Variants in NRXN3 observed in about 807,000 individuals in gnomAD.
The protein encoded by NRXN3 is neurexin III.
A neutral mutation model predicts 137.6 loss-of-function variants in NRXN3; 32 were observed. The ratio of observed to expected loss-of-function variants is 0.23; its 90% confidence interval spans 0.18 to 0.31. The LOEUF is 0.31. Ranked by LOEUF, NRXN3 falls within the 10% of genes least tolerant of loss-of-function variation. The pLI is 1.00. For synonymous variants in NRXN3, 798 were observed against 784.5 expected, an observed-to-expected ratio of 1.02 and a Z score of -0.29; for missense variants, 1,574 against 2,062.5, an observed-to-expected ratio of 0.76 and a Z score of 4.59.
Position 78,943,619 on chromosome 14 carries a change from A to ATATATATATATAT in NRXN3, c.2276-13623_2276-13622insTATATATATATAT, listed in dbSNP as rs1259224205. 1.1e-3 allele frequency among the ~76,000 whole-genome samples: 45 copies of ATATATATATATAT among 42,796 alleles called. 1 individual carries two copies. Among genetic ancestry groups the ATATATATATATAT allele is most frequent in the African/African-American group, 4.0e-3 (44 of 10,882 alleles). 28.1% of individuals were successfully genotyped at this position (42,796 alleles called of 152,430 possible). A position where few individuals can be genotyped will look rare whatever the true frequency, so the allele number is the denominator to read the frequency against. On this transcript the variant is annotated intron_variant, in intron 10 of 20. Transcript: ENST00000335750. ...GAAGCAAGATCACTGTTAAAAAAAA[A>ATATATATATATAT]AAATATATATATATATATATATATA... is the stretch of plus-strand genomic sequence containing the variant.
At chr14:78,695,151 C>A (rs1280402903) in intron 6 of NRXN3, among the ~76,000 whole-genome samples, 1 of 151,906 alleles carries the variant, frequency 6.6e-6, no homozygotes, top group Admixed American at 6.6e-5. Flanking sequence ...ATATTCACAT[C>A]ATCTCTCTGT....
Position 79,697,819 on chromosome 14 carries a change from T to C in NRXN3, c.3896T>C (p.Ile1299Thr). The change falls in exon 19 of 21, where the codon ATT (isoleucine) becomes ACT (threonine). Residue 1299 changes from isoleucine to threonine, a missense_variant. This residue lies in a region of NRXN3 where 320 missense variants were observed against 387.1 expected (regional missense o/e 0.83). Transcript: ENST00000335750. ...SVRLVGEVPS[I>T]LGTTQTTSMP... ...CGGCTGGTTGGAGAAGTCCCATCAA[T>C]TTTGGGAACAACACAGACGACCTCC... is the stretch of plus-strand genomic sequence containing the variant. 6.2e-7 allele frequency: 1 copy of C among 1,613,184 alleles called. No individual in the cohort carries two copies. Among genetic ancestry groups the C allele is most frequent in the Non-Finnish European group, 8.5e-7 (1 of 1,179,454 alleles).
chr14:78,331,585 A>G (rs1033489743), intron 4 of NRXN3, among the ~76,000 whole-genome samples: 1 of 152,240 alleles, frequency 6.6e-6, no homozygotes, highest in Non-Finnish European at 1.5e-5. Context: ...CCCAGAAAGG[A>G]CCAATTATAG....
At chr14:78,752,571 G>T (rs182836509) in intron 8 of NRXN3, among the ~76,000 whole-genome samples, 63 of 152,308 alleles carry the variant, frequency 4.1e-4, no homozygotes, top group African/African-American at 1.4e-3. Context: ...TCTCTGTTCA[G>T]GGCTCTATGG....
rs1596313396 is a variant in NRXN3, at chr14:79,131,474, C to G, written c.3262+143333C>G. On this transcript the variant is annotated intron_variant, in intron 15 of 20. Transcript: ENST00000335750. ...AGTCTGCCCCTGCTGGGGGGTGCCT[C>G]CCAGTTAGGCTGCTTGGGGGTCAGG... 2.6e-5 allele frequency among the ~76,000 whole-genome samples: 4 copies of G among 152,242 alleles called. No individual in the cohort carries two copies. The East Asian group carries it at 7.7e-4, about 29-fold the overall frequency.
At chr14:79,770,870 A>T (rs1437796512) in intron 19 of NRXN3, among the ~76,000 whole-genome samples, 1 of 152,150 alleles carries the variant, frequency 6.6e-6, no homozygotes, top group African/African-American at 2.4e-5. Flanking sequence ...AAATTGATAG[A>T]CCACTAGCAA....
chr14:79,406,462 T>C (rs1223687338), intron 15 of NRXN3, among the ~76,000 whole-genome samples: 5 of 151,764 alleles, frequency 3.3e-5, no homozygotes, highest in Non-Finnish European at 5.9e-5. Flanking sequence ...CCACAGTGCC[T>C]GGCTAATTTT....
intron 15 of NRXN3, among the ~76,000 whole-genome samples, chr14:79,172,701 G>C (rs1231550393): frequency 6.6e-6 from 1 of 152,054 alleles, no homozygotes; most frequent in Non-Finnish European, 1.5e-5. Context: ...TCTCCCTCTG[G>C]TGTCTTTTTC....
intron 4 of NRXN3, among the ~76,000 whole-genome samples, chr14:78,499,539 C>T (rs1379148839): frequency 6.6e-6 from 1 of 152,184 alleles, no homozygotes; most frequent in African/African-American, 2.4e-5. Flanking sequence ...TAACACATTT[C>T]CACAAGCTTG....
At chr14:79,841,306 T>C (rs2205219) in intron 20 of NRXN3, among the ~76,000 whole-genome samples, 116,396 of 151,952 alleles carry the variant, frequency 0.77, 44,880 homozygotes, top group East Asian at 0.91. Flanking sequence ...CAAGAAATGG[T>C]GAGTTTTATT....
intron 16 of NRXN3, among the ~76,000 whole-genome samples, chr14:79,521,720 T>A (rs989975557): frequency 6.6e-6 from 1 of 152,172 alleles, no homozygotes; most frequent in Admixed American, 6.5e-5. Context: ...ATTGTCAGGG[T>A]TTATTCCATT....
intron 15 of NRXN3, among the ~76,000 whole-genome samples, chr14:79,175,380 T>C (rs1249668286): frequency 2.6e-5 from 4 of 152,278 alleles, no homozygotes; most frequent in Middle Eastern, 6.8e-3. Context: ...GATTGAGAAT[T>C]TTTTTGGAGC....
chr14:79,296,124 T>C (rs911082958), intron 15 of NRXN3, among the ~76,000 whole-genome samples: 1 of 152,180 alleles, frequency 6.6e-6, no homozygotes, highest in East Asian at 1.9e-4. Flanking sequence ...GCTCTGCCTT[T>C]CTTAAGGGTA....
intron 15 of NRXN3, among the ~76,000 whole-genome samples, chr14:79,063,679 C>A (rs982169767): frequency 1.4e-4 from 21 of 152,174 alleles, no homozygotes; most frequent in Admixed American, 1.0e-3. Flanking sequence ...GTGCCATGAA[C>A]AAAGTTATGC....
chr14:78,598,742 G>T (rs117299130), intron 4 of NRXN3, among the ~76,000 whole-genome samples: 1 of 152,202 alleles, frequency 6.6e-6, no homozygotes, highest in Non-Finnish European at 1.5e-5. Context: ...CCAATATCTC[G>T]GTAATTGGCT....
At chr14:78,841,377 C>T (rs2099012010) in intron 10 of NRXN3, among the ~76,000 whole-genome samples, 1 of 151,912 alleles carries the variant, frequency 6.6e-6, no homozygotes, top group Admixed American at 6.6e-5. Context: ...CTTTCTTTCA[C>T]CCGGGTTCCT....
intron 15 of NRXN3, among the ~76,000 whole-genome samples, chr14:79,248,198 C>T (rs1017569450): frequency 2.6e-5 from 4 of 152,298 alleles, no homozygotes; most frequent in Non-Finnish European, 2.9e-5. Context: ...TCAATGACCT[C>T]GGCTTACAAT....
intron 16 of NRXN3, among the ~76,000 whole-genome samples, chr14:79,568,123 G>A (rs2097567036): frequency 6.6e-6 from 1 of 152,118 alleles, no homozygotes; most frequent in African/African-American, 2.4e-5. Context: ...CAAATACAGG[G>A]CTAGATAAAC....
chr14:78,552,069 T>C (rs891197137), intron 4 of NRXN3, among the ~76,000 whole-genome samples: 4 of 151,870 alleles, frequency 2.6e-5, no homozygotes, highest in African/African-American at 9.7e-5. Context: ...GAGTGGCATT[T>C]GTGTGGGGTG....
Sources: gnomAD v4.1 joint callset for allele counts (sites outside exome capture counted in the v4.1 genomes callset) on GRCh38, gnomAD v4.1.1 for gene constraint, gnomAD v4.1.1 regional missense constraint, MANE v1.5 for transcripts, NCBI Gene and HGNC (gene_info 2026-07-23, HGNC 2026-07-21) for gene names.